SKI: variants seen among roughly 807,000 people sequenced by gnomAD.
SKI encodes the protein ski oncogene.
In SKI, 23 loss-of-function variants were observed where a neutral mutation model predicts 59.3. That is an observed-to-expected ratio of 0.39 (90% CI 0.28 to 0.55). The LOEUF (loss-of-function observed/expected upper bound fraction) is 0.55, where lower values mean the gene tolerates loss of function less well. Among genes scored for constraint, SKI ranks in the 20% least tolerant of loss-of-function variants. The pLI is 0.67. For missense variants in SKI, 1,017 were observed against 1,038.9 expected (o/e 0.98, Z 0.29); for synonymous variants, 673 against 488.6 (o/e 1.38, Z -4.98).
chr1:2,302,281 C>T (rs1424229621), intron 1 of SKI, among the ~76,000 whole-genome samples: 2 of 152,288 alleles, frequency 1.3e-5, no homozygotes, highest in South Asian at 2.1e-4. Context: ...CCTCCAGCAC[C>T]GGGGCTGGCA....
chr1:2,242,104 A>G (rs1638892602), intron 1 of SKI, among the ~76,000 whole-genome samples: 1 of 152,200 alleles, frequency 6.6e-6, no homozygotes, highest in African/African-American at 2.4e-5. Flanking sequence ...AGCTGGTTGG[A>G]GGAGGGCCAG....
intron 1 of SKI, among the ~76,000 whole-genome samples, chr1:2,300,024 C>T (rs903916): frequency 0.24 from 36,663 of 152,168 alleles, 5,331 homozygotes; most frequent in Non-Finnish European, 0.33. Flanking sequence ...GGAACTGTTC[C>T]GTCAGAGGGC....
intron 1 of SKI, among the ~76,000 whole-genome samples, chr1:2,256,541 G>A (rs1052162454): frequency 3.3e-5 from 5 of 152,220 alleles, no homozygotes; most frequent in African/African-American, 4.8e-5. Context: ...AGGGATTCTA[G>A]GGGTTCCCCT....
At chr1:2,244,320 G>A (rs899789463) in intron 1 of SKI, among the ~76,000 whole-genome samples, 1 of 150,452 alleles carries the variant, frequency 6.6e-6, no homozygotes, top group Non-Finnish European at 1.5e-5. Flanking sequence ...GCTCACACCT[G>A]TAATCCCAGC....
At chr1:2,305,123 C>G (rs921811204) in intron 5 of SKI, among the ~76,000 whole-genome samples, 1 of 152,194 alleles carries the variant, frequency 6.6e-6, no homozygotes, top group African/African-American at 2.4e-5. Context: ...GGAGAGGGCT[C>G]GGCCCGCACA....
intron 1 of SKI, among the ~76,000 whole-genome samples, chr1:2,285,103 C>G (rs189212750): frequency 9.2e-4 from 140 of 152,234 alleles, no homozygotes; most frequent in African/African-American, 3.2e-3. Flanking sequence ...AGATAGGTGT[C>G]ATGCGGCAGT....
rs1274996518 is a variant in SKI, at chr1:2,307,737, C to G, written c.*972C>G. ...TCATTTAAACGTATATTTAGAACTG[C>G]ACTTTGTCCACAACCTTCCCTTCTC... On this transcript the variant is annotated 3_prime_UTR_variant, in exon 7 of 7. Coordinates refer to ENST00000378536, the MANE Select transcript of SKI (RefSeq NM_003036.4). 6.6e-6 allele frequency: 1 copy of G among 152,492 alleles called. No individual in the cohort carries two copies. Among genetic ancestry groups the G allele is most frequent in the Non-Finnish European group, 1.5e-5 (1 of 68,026 alleles). 9.4% of individuals were successfully genotyped at this position (152,492 alleles called of 1,614,324 possible).
At position 2,303,877 on chromosome 1, in the gene SKI, C is replaced by T. The variant is rs1368174930; in HGVS notation, c.1249C>T (p.Pro417Ser). 1.2e-6 allele frequency: 2 copies of T among 1,612,526 alleles called. No individual in the cohort carries two copies. The highest frequency in any genetic ancestry group is 1.7e-6 in the Non-Finnish European group (2 of 1,179,830). The change falls in exon 4 of 7, where the codon CCC becomes TCC. Residue 417 changes from proline to serine, a missense_variant. Transcript: ENST00000378536. The surrounding 1 kb of genome is among the most constrained non-coding windows in gnomAD (Gnocchi z 5.6). The part of the protein sequence containing the change: ...SYKSFETAVA[P>S]NVALAPPAQQ... ...CAAGAGCTTTGAGACAGCCGTGGCG[C>T]CCAACGTGGCCCTCGCACCGCCGGC...
chr1:2,278,051 C>A (rs1639784870), intron 1 of SKI, among the ~76,000 whole-genome samples: 5 of 152,266 alleles, frequency 3.3e-5, no homozygotes, highest in African/African-American at 4.8e-5. Context: ...ATGGCTTCGG[C>A]TTGCTGGGTG....
At chr1:2,287,151 G>A (rs1022931297) in intron 1 of SKI, among the ~76,000 whole-genome samples, 4 of 152,078 alleles carry the variant, frequency 2.6e-5, no homozygotes, top group Non-Finnish European at 4.4e-5. Context: ...CGCCCGGGGT[G>A]CCCTGGCCCA....
intron 1 of SKI, among the ~76,000 whole-genome samples, chr1:2,299,159 C>T (rs1025649187): frequency 6.6e-6 from 1 of 152,248 alleles, no homozygotes; most frequent in African/African-American, 2.4e-5. Flanking sequence ...GGCGGGGATG[C>T]GGCGTTGAGC....
chr1:2,234,219 C>T (rs567436351), intron 1 of SKI, among the ~76,000 whole-genome samples: 1 of 152,296 alleles, frequency 6.6e-6, no homozygotes, highest in Non-Finnish European at 1.5e-5. Context: ...CTGCCCACCC[C>T]AGCTGGCTGT....
intron 1 of SKI, among the ~76,000 whole-genome samples, chr1:2,283,430 G>A (rs957498259): frequency 1.3e-5 from 2 of 152,214 alleles, no homozygotes; most frequent in African/African-American, 4.8e-5. Flanking sequence ...GCCTTTTGAG[G>A]ACAGAGTCTT....
chr1:2,265,266 C>A lies in SKI; in HGVS notation c.969+35531C>A, dbSNP rs530507220. On this transcript the variant is annotated intron_variant, in intron 1 of 6. Coordinates refer to ENST00000378536, the MANE Select transcript of SKI (RefSeq NM_003036.4). The stretch of plus-strand genomic sequence containing the variant: ...TCCCTCCTCTGGGCACTTGGTGGCC[C>A]GTGTGTCAGTCATGTGAATGTTGTC... 4.6e-5 allele frequency among the ~76,000 whole-genome samples: 7 copies of A among 152,144 alleles called. No homozygotes were observed. In the East Asian group the frequency reaches 1.3e-3, roughly 29 times the overall value.
intron 1 of SKI, among the ~76,000 whole-genome samples, chr1:2,259,830 G>A (rs976446109): frequency 2.0e-5 from 3 of 152,114 alleles, no homozygotes; most frequent in Admixed American, 6.6e-5. Flanking sequence ...TTCCCTCAGC[G>A]TCATTATTTT....
intron 1 of SKI, among the ~76,000 whole-genome samples, chr1:2,276,775 T>A (rs768702624): frequency 8.5e-5 from 13 of 152,162 alleles, no homozygotes; most frequent in Non-Finnish European, 1.8e-4. Flanking sequence ...AGTTCCTGAT[T>A]GCTGTCTTTG....
chr1:2,257,054 C>T lies in SKI; in HGVS notation c.969+27319C>T, dbSNP rs370660139. ...GCTCAGGATTACTCTCTGGAGGTCT[C>T]CGCCTTATCATGAGCACTTTCTTTG... is the stretch of plus-strand genomic sequence containing the variant. On this transcript the variant is annotated intron_variant, in intron 1 of 6. Transcript: ENST00000378536. 2.6e-5 allele frequency among the ~76,000 whole-genome samples: 4 copies of T among 152,218 alleles called. No homozygotes were observed. In the South Asian group the frequency reaches 6.2e-4, roughly 24 times the overall value.
At chr1:2,236,272 TG>T (rs1465282270) in intron 1 of SKI, among the ~76,000 whole-genome samples, 4 of 152,240 alleles carry the variant, frequency 2.6e-5, no homozygotes, top group Non-Finnish European at 5.9e-5. Context: ...TGGTCACGTC[TG>T]GGTCCCCAGT....
At chr1:2,246,139 A>C (rs961786215) in intron 1 of SKI, among the ~76,000 whole-genome samples, 1 of 152,186 alleles carries the variant, frequency 6.6e-6, no homozygotes, top group African/African-American at 2.4e-5. Context: ...TAGTGGCTGC[A>C]GCATTTTCCA....
Sources: allele counts gnomAD v4.1 joint callset (sites outside exome capture counted in the v4.1 genomes callset), GRCh38; gene constraint gnomAD v4.1.1; non-coding constraint Gnocchi (gnomAD v3.1); transcripts MANE v1.5; gene names NCBI Gene and HGNC (gene_info 2026-07-23, HGNC 2026-07-21).